Variants in KITLG observed in about 807,000 individuals in gnomAD.
KITLG encodes the protein KIT ligand, also known as c-Kit ligand.
KITLG carries 13 observed loss-of-function variants against 34.1 expected under a neutral mutation model. That is an observed-to-expected ratio of 0.38 (90% CI 0.25 to 0.61). The LOEUF is 0.61. KITLG is among the 20% of genes least tolerant of loss of function. KITLG has a pLI of 0.60. For missense variants in KITLG, 292 were observed against 318.9 expected (o/e 0.92, Z 0.64); for synonymous variants, 110 against 104.0 (o/e 1.06, Z -0.35).
intron 1 of KITLG, among the ~76,000 whole-genome samples, chr12:88,551,674 A>G (rs1870919530): frequency 1.3e-5 from 2 of 152,096 alleles, no homozygotes; most frequent in Admixed American, 1.3e-4. Context: ...TAACATGCCT[A>G]TTTCTAGTCT....
intron 2 of KITLG, among the ~76,000 whole-genome samples, chr12:88,537,675 GA>G (rs531233632): frequency 0.012 from 1,681 of 145,066 alleles, 17 homozygotes; most frequent in Non-Finnish European, 0.016. Context: ...TCTAAAATCT[GA>G]AAAAAAAAAA....
intron 3 of KITLG, among the ~76,000 whole-genome samples, chr12:88,525,229 C>A (rs1869822086): frequency 6.6e-6 from 1 of 152,146 alleles, no homozygotes; most frequent in South Asian, 2.1e-4. Context: ...CTGATAGTTT[C>A]CAATCCTGGT....
At chr12:88,514,716 A>ATG (rs1208377969) in intron 6 of KITLG, among the ~76,000 whole-genome samples, 1 of 151,706 alleles carries the variant, frequency 6.6e-6, no homozygotes, top group Non-Finnish European at 1.5e-5. Flanking sequence ...GTTTTTTTAA[A>ATG]TGTTCTGCAT....
intron 3 of KITLG, among the ~76,000 whole-genome samples, chr12:88,519,821 G>C (rs1869593396): frequency 6.6e-6 from 1 of 151,982 alleles, no homozygotes; most frequent in East Asian, 1.9e-4. Flanking sequence ...ATGGGATCTT[G>C]CTTTGCTGCT....
At chr12:88,498,256 GATC>G (rs1868716322) in intron 9 of KITLG, among the ~76,000 whole-genome samples, 1 of 152,026 alleles carries the variant, frequency 6.6e-6, no homozygotes, top group South Asian at 2.1e-4. Flanking sequence ...AAAGTATTGA[GATC>G]ATTACACAGA....
At chr12:88,550,182 G>A (rs570125788) in intron 1 of KITLG, among the ~76,000 whole-genome samples, 2 of 152,188 alleles carry the variant, frequency 1.3e-5, no homozygotes, top group Non-Finnish European at 2.9e-5. Context: ...AGAGCAACTG[G>A]ATAAACAAAC....
intron 6 of KITLG, among the ~76,000 whole-genome samples, chr12:88,511,995 C>T (rs1339597233): frequency 6.6e-6 from 1 of 152,060 alleles, no homozygotes; most frequent in African/African-American, 2.4e-5. Context: ...TCATAATATC[C>T]AGCATATATT....
chr12:88,510,763 T>A (rs1035518957), intron 6 of KITLG, among the ~76,000 whole-genome samples: 7 of 152,166 alleles, frequency 4.6e-5, no homozygotes, highest in African/African-American at 1.7e-4. Flanking sequence ...TAATAAGTTT[T>A]CATATGCCCT....
chr12:88,560,096 T>C (rs1205987753), intron 1 of KITLG, among the ~76,000 whole-genome samples: 2 of 152,220 alleles, frequency 1.3e-5, no homozygotes, highest in African/African-American at 4.8e-5. Context: ...TGAGACTCAG[T>C]TTTCTTGTGA....
intron 9 of KITLG, among the ~76,000 whole-genome samples, chr12:88,498,022 T>G (rs1215623869): frequency 1.3e-5 from 2 of 152,210 alleles, no homozygotes; most frequent in African/African-American, 2.4e-5. Flanking sequence ...TTGTTTTAGT[T>G]ATTCAGTACT....
chr12:88,500,867 C>A (rs759155410), intron 9 of KITLG, among the ~76,000 whole-genome samples: 14 of 152,164 alleles, frequency 9.2e-5, no homozygotes, highest in Non-Finnish European at 1.9e-4. Context: ...ACAGCCTCAA[C>A]CTCTCGGGCT....
chr12:88,516,369 T>C lies in KITLG; in HGVS notation c.485A>G (p.Asp162Gly). The C allele has an allele frequency of 6.2e-7, 1 of 1,611,344 alleles. No individual in the cohort carries two copies. The highest frequency in any genetic ancestry group is 8.5e-7 in the Non-Finnish European group (1 of 1,178,004). Residue 162 changes from aspartate (D) to glycine (G), a missense_variant, in exon 5 of 10, where the codon GAT becomes GGT. This residue lies in a region of KITLG where 152 missense variants were observed against 207.9 expected (regional missense o/e 0.73). Transcript: ENST00000644744. ...KDFVVASETS[D>G]CVVSSTLSPE... ...ACTTAATGTTGAAGAAACCACACAATCACTAGTTTCAGATGCCACTACAAA... is the reference window on the plus strand; with the variant it reads ...ACTTAATGTTGAAGAAACCACACAACCACTAGTTTCAGATGCCACTACAAA...
At chr12:88,544,238 A>G (rs755624539) in intron 2 of KITLG, among the ~76,000 whole-genome samples, 7 of 152,112 alleles carry the variant, frequency 4.6e-5, no homozygotes, top group Non-Finnish European at 8.8e-5. Context: ...CACTGTGCTC[A>G]CTATGGGCTT....
intron 3 of KITLG, among the ~76,000 whole-genome samples, chr12:88,524,917 G>A (rs1051920695): frequency 2.0e-5 from 3 of 152,080 alleles, no homozygotes; most frequent in African/African-American, 7.2e-5. Context: ...AGAGAATGCC[G>A]CATCATAGGA....
At chr12:88,515,734 G>A (rs1222587544) in intron 5 of KITLG, 117 bp from the exon 6 acceptor site, 1 of 726,542 alleles carries the variant, frequency 1.4e-6, no homozygotes, top group East Asian at 2.7e-5. Context: ...CAAATCTAGA[G>A]TATTCAGATC....
intron 2 of KITLG, among the ~76,000 whole-genome samples, chr12:88,533,262 T>C (rs1405362803): frequency 6.6e-6 from 1 of 152,152 alleles, no homozygotes; most frequent in East Asian, 1.9e-4. Flanking sequence ...GAATAAGCAA[T>C]AGGTTTAGGA....
chr12:88,547,476 T>A (rs1870757824), intron 1 of KITLG, among the ~76,000 whole-genome samples: 1 of 152,216 alleles, frequency 6.6e-6, no homozygotes, highest in African/African-American at 2.4e-5. Flanking sequence ...CAGTGAAGAC[T>A]AAGTTGTATA....
At chr12:88,543,841 T>C (rs932556574) in intron 2 of KITLG, among the ~76,000 whole-genome samples, 14 of 152,208 alleles carry the variant, frequency 9.2e-5, no homozygotes, top group Admixed American at 1.3e-4. Context: ...TTTTCCTTCA[T>C]CTTGTCTCTA....
At chr12:88,566,240 A>T (rs1161851676) in intron 1 of KITLG, among the ~76,000 whole-genome samples, 1 of 152,160 alleles carries the variant, frequency 6.6e-6, no homozygotes, top group Non-Finnish European at 1.5e-5. Context: ...CAGGCACAAA[A>T]TTGTCAAATG....
Sources: gnomAD v4.1 joint callset for allele counts (sites outside exome capture counted in the v4.1 genomes callset) on GRCh38, gnomAD v4.1.1 for gene constraint, gnomAD v4.1.1 regional missense constraint, MANE v1.5 for transcripts, NCBI Gene and HGNC (gene_info 2026-07-23, HGNC 2026-07-21) for gene names.